FREM3: variants seen among roughly 807,000 people sequenced by gnomAD.
The protein encoded by FREM3 is FRAS1 related extracellular matrix 3.
A neutral mutation model predicts 129.1 loss-of-function variants in FREM3; 105 were observed. That is an observed-to-expected ratio of 0.81 (90% CI 0.69 to 0.96). The LOEUF (loss-of-function observed/expected upper bound fraction) is 0.96. Ranked by LOEUF, FREM3 falls within the 40% of genes least tolerant of loss-of-function variation. FREM3 has a pLI of 0.00. For missense variants in FREM3, 2,593 were observed against 2,666.3 expected, an observed-to-expected ratio of 0.97 and a Z score of 0.61; for synonymous variants, 1,014 against 1,044.9, an observed-to-expected ratio of 0.97 and a Z score of 0.57.
In FREM3 at chr4:143,696,305, A is replaced by C; in HGVS notation, c.4371T>G (p.Ser1457=). Residue 1457 remains serine (S), a synonymous_variant, in exon 1 of 8, where the codon TCT becomes TCG. Coordinates refer to ENST00000329798, the MANE Select transcript of FREM3 (RefSeq NM_001168235.2). ...NLLTNSDINS[S]DEHHFSITRA... ...GTGTAATGCTAAAGTGATGTTCATC[A>C]GAGCTGTTGATGTCACTGTTGGTAA... 6.5e-7 allele frequency: 1 copy of C among 1,537,544 alleles called. No individual in the cohort carries two copies. Among genetic ancestry groups the C allele is most frequent in the Non-Finnish European group, 8.7e-7 (1 of 1,146,966 alleles).
chr4:143,650,008 C>G (rs772241991), intron 2 of FREM3, among the ~76,000 whole-genome samples: 4 of 152,182 alleles, frequency 2.6e-5, no homozygotes, highest in Non-Finnish European at 4.4e-5. Context: ...ATTAGTTATG[C>G]TGTTTCTATC....
intron 2 of FREM3, among the ~76,000 whole-genome samples, chr4:143,633,675 A>G (rs1739181186): frequency 6.6e-6 from 1 of 152,202 alleles, no homozygotes; most frequent in Non-Finnish European, 1.5e-5. Context: ...CAATGCACAC[A>G]TTTTAATGGA....
intron 2 of FREM3, among the ~76,000 whole-genome samples, chr4:143,651,198 A>C (rs933570490): frequency 6.6e-6 from 1 of 152,212 alleles, no homozygotes; most frequent in Non-Finnish European, 1.5e-5. Context: ...TGCTTTTTTA[A>C]ATGGTTGCTC....
chr4:143,655,010 C>T (rs1739575223), intron 2 of FREM3, among the ~76,000 whole-genome samples: 2 of 152,270 alleles, frequency 1.3e-5, no homozygotes, highest in South Asian at 4.1e-4. Context: ...CAGCTGTTCC[C>T]TCCATCCTCC....
Position 143,611,341 on chromosome 4 carries a change from C to T in FREM3, c.5966G>A (p.Gly1989Glu). 6.5e-7 allele frequency: 1 copy of T among 1,537,068 alleles called. No individual in the cohort carries two copies. The highest frequency in any genetic ancestry group is 1.2e-5 in the South Asian group (1 of 84,050). ...SFSVSLRLPV[G>E]GQLGARFPTT... ...GGGGAATCTGGCTCCCAGCTGTCCT[C>T]CCACTGGCAGCCTAAGTGAAACGCT... Residue 1989 changes from glycine to glutamate, a missense_variant, in exon 6 of 8, where the codon GGA (glycine) becomes GAA (glutamate). Transcript: ENST00000329798.
chr4:143,682,017 G>A (rs1380166202), intron 2 of FREM3, among the ~76,000 whole-genome samples: 2 of 152,096 alleles, frequency 1.3e-5, no homozygotes, highest in East Asian at 3.9e-4. Context: ...GAGAAAAAGA[G>A]GTGAGAAACC....
chr4:143,584,786 G>A (rs1738209419), intron 7 of FREM3, among the ~76,000 whole-genome samples: 1 of 152,136 alleles, frequency 6.6e-6, no homozygotes, highest in South Asian at 2.1e-4. Flanking sequence ...GGACCTAATA[G>A]ACATTTATAA....
At chr4:143,660,930 A>AT (rs1364867097) in intron 2 of FREM3, among the ~76,000 whole-genome samples, 1 of 152,112 alleles carries the variant, frequency 6.6e-6, no homozygotes, top group Non-Finnish European at 1.5e-5. Flanking sequence ...TTGTACATTG[A>AT]TTTTGTATCC....
chr4:143,593,500 C>T (rs1300260188), intron 6 of FREM3, among the ~76,000 whole-genome samples: 2 of 152,232 alleles, frequency 1.3e-5, no homozygotes, highest in Admixed American at 6.5e-5. Flanking sequence ...TGGAGGTCCA[C>T]TCCAGACCCT....
chr4:143,607,755 G>A (rs1738691126), intron 6 of FREM3, among the ~76,000 whole-genome samples: 1 of 152,134 alleles, frequency 6.6e-6, no homozygotes, highest in African/African-American at 2.4e-5. Flanking sequence ...AAACAATACT[G>A]ATGGTATTAG....
chr4:143,596,622 C>G (rs1328537861), intron 6 of FREM3, among the ~76,000 whole-genome samples: 3 of 152,088 alleles, frequency 2.0e-5, no homozygotes, highest in Admixed American at 6.5e-5. Flanking sequence ...TTTGGAAAAA[C>G]CCTTTCATGC....
At chr4:143,622,212 G>C (rs1738963684) in intron 4 of FREM3, among the ~76,000 whole-genome samples, 1 of 151,262 alleles carries the variant, frequency 6.6e-6, no homozygotes, top group South Asian at 2.1e-4. Context: ...TCGTGCCTCA[G>C]CCTCCTGAGT....
At chr4:143,650,697 G>C (rs1249756029) in intron 2 of FREM3, among the ~76,000 whole-genome samples, 1 of 152,124 alleles carries the variant, frequency 6.6e-6, no homozygotes, top group Non-Finnish European at 1.5e-5. Flanking sequence ...TTTCCATATT[G>C]CCCAGGCTGA....
chr4:143,632,487 G>A (rs899214542), intron 2 of FREM3, among the ~76,000 whole-genome samples: 1 of 152,078 alleles, frequency 6.6e-6, no homozygotes, highest in African/African-American at 2.4e-5. Flanking sequence ...ATTCTGTCAT[G>A]GTCAAAGGCT....
At chr4:143,590,143 A>T (rs1295300082) in intron 6 of FREM3, among the ~76,000 whole-genome samples, 1 of 152,084 alleles carries the variant, frequency 6.6e-6, no homozygotes, top group African/African-American at 2.4e-5. Context: ...TTGGGCTGAG[A>T]CGATGGGGTT....
At chr4:143,640,061 C>T (rs1191191745) in intron 2 of FREM3, among the ~76,000 whole-genome samples, 1 of 152,214 alleles carries the variant, frequency 6.6e-6, no homozygotes, top group African/African-American at 2.4e-5. Flanking sequence ...AACTCTTATT[C>T]ATCCTTGAAG....
chr4:143,669,888 T>G (rs904288677), intron 2 of FREM3, among the ~76,000 whole-genome samples: 1 of 152,172 alleles, frequency 6.6e-6, no homozygotes, highest in Non-Finnish European at 1.5e-5. Flanking sequence ...ATAGTGAGCA[T>G]AGTACCCAAT....
intron 2 of FREM3, among the ~76,000 whole-genome samples, chr4:143,682,930 T>C (rs990909380): frequency 3.9e-5 from 6 of 152,190 alleles, no homozygotes. Flanking sequence ...AGGGAGACTA[T>C]GCTGGATTAT....
chr4:143,620,946 C>T, intron 5 of FREM3, 91 bp downstream of exon 5: 1 of 1,303,856 alleles, frequency 7.7e-7, no homozygotes, highest in Non-Finnish European at 1.0e-6. Flanking sequence ...CTTAACTCTG[C>T]TTTGCTCACC....
Sources: gnomAD v4.1 joint callset for allele counts (sites outside exome capture counted in the v4.1 genomes callset) on GRCh38, gnomAD v4.1.1 for gene constraint, MANE v1.5 for transcripts, NCBI Gene and HGNC (gene_info 2026-07-23, HGNC 2026-07-21) for gene names.